The following TMEM41B variants were observed in gnomAD, a reference collection of about 807,000 sequenced individuals.
TMEM41B encodes transmembrane protein 41B, also known as protein stasimon.
In TMEM41B, 18 loss-of-function variants were observed where a neutral mutation model predicts 31.9. The observed-to-expected ratio is 0.56, with a 90% CI of 0.39 to 0.84. The LOEUF (loss-of-function observed/expected upper bound fraction) is 0.84, where lower values mean the gene tolerates loss of function less well. Among genes scored for constraint, TMEM41B ranks in the 40% least tolerant of loss-of-function variants. TMEM41B has a pLI of 0.00. For missense variants in TMEM41B, 322 were observed against 348.0 expected (o/e 0.93, Z 0.59); for synonymous variants, 144 against 124.3 (o/e 1.16, Z -1.05).
chr11:9,306,327 A>G (rs1853394988), intron 1 of TMEM41B, among the ~76,000 whole-genome samples: 1 of 151,936 alleles, frequency 6.6e-6, no homozygotes. Flanking sequence ...ACTAATTCCC[A>G]GTCTGAATTA....
intron 3 of TMEM41B, among the ~76,000 whole-genome samples, chr11:9,290,038 AACACACACAC>A (rs138140225): frequency 6.7e-6 from 1 of 149,798 alleles, no homozygotes; most frequent in Admixed American, 6.7e-5. Context: ...TCAAAAACAA[AACACACACAC>A]ACACACACAC....
At chr11:9,309,982 T>C (rs1213095950) in intron 1 of TMEM41B, among the ~76,000 whole-genome samples, 4 of 151,778 alleles carry the variant, frequency 2.6e-5, no homozygotes, top group Admixed American at 6.6e-5. Context: ...AAAATCAACT[T>C]TGAGACAGTG....
rs771747053 is a variant in TMEM41B, at chr11:9,281,453, G to A, written c.*1971C>T. ...AAATCCATCTGTTAACACTGTGATAGAAAAAATAATCAGTCCACATCATGT... is the reference window on the plus strand; with the variant it reads ...AAATCCATCTGTTAACACTGTGATAAAAAAAATAATCAGTCCACATCATGT... On this transcript the variant is annotated 3_prime_UTR_variant, in exon 7 of 7. Transcript: ENST00000528080. The A allele has an allele frequency of 1.3e-5, 2 of 152,122 alleles. No individual in the cohort carries two copies. Among genetic ancestry groups the A allele is most frequent in the East Asian group, 3.8e-4 (2 of 5,198 alleles). The allele number at this position is 152,122 out of a possible 1,614,324, so 9.4% of individuals were successfully genotyped here. A position where few individuals can be genotyped will look rare whatever the true frequency, so the allele number is the denominator to read the frequency against.
chr11:9,295,625 C>T (rs956134418), intron 2 of TMEM41B, among the ~76,000 whole-genome samples: 2 of 152,028 alleles, frequency 1.3e-5, no homozygotes. Flanking sequence ...ATCTCTGCCT[C>T]CCAGGTACAA....
intron 2 of TMEM41B, 96 bp downstream of exon 2, chr11:9,299,488 G>A (rs1853193516): frequency 2.4e-6 from 2 of 836,214 alleles, no homozygotes; most frequent in Non-Finnish European, 3.8e-6. Context: ...CTCCCAAAGT[G>A]TTGAGATTAC....
At chr11:9,289,825 C>T (rs955422702) in intron 3 of TMEM41B, among the ~76,000 whole-genome samples, 12 of 152,204 alleles carry the variant, frequency 7.9e-5, no homozygotes, top group African/African-American at 2.7e-4. Flanking sequence ...TTCTACATTA[C>T]AGGTAATTTC....
intron 3 of TMEM41B, among the ~76,000 whole-genome samples, chr11:9,293,775 G>A (rs72850512): frequency 4.6e-5 from 7 of 151,728 alleles, no homozygotes; most frequent in East Asian, 1.9e-4. Flanking sequence ...TAAAGATGGC[G>A]TTTCACTATG....
At chr11:9,294,434 G>A (rs1853036838) in intron 3 of TMEM41B, among the ~76,000 whole-genome samples, 1 of 151,066 alleles carries the variant, frequency 6.6e-6, no homozygotes. Flanking sequence ...GGTGGAGGTT[G>A]CAGTGACCAG....
intron 3 of TMEM41B, among the ~76,000 whole-genome samples, chr11:9,293,163 G>C (rs1473982344): frequency 6.6e-6 from 1 of 152,078 alleles, no homozygotes; most frequent in Non-Finnish European, 1.5e-5. Flanking sequence ...GGAGTGCAGA[G>C]GCTAAATGCT....
chr11:9,296,620 A>AAAAAAAAAAAAAAAAAAAAG (rs1554943612), intron 2 of TMEM41B, among the ~76,000 whole-genome samples: 1 of 128,138 alleles, frequency 7.8e-6, no homozygotes, highest in Non-Finnish European at 1.7e-5. Context: ...AAAAAAAAAA[A>AAAAAAAAAAAAAAAAAAAAG]AAAGAAAGAA....
intron 4 of TMEM41B, 100 bp downstream of exon 4, chr11:9,288,342 T>G: frequency 1.0e-5 from 8 of 768,648 alleles, no homozygotes; most frequent in East Asian, 3.0e-5. Context: ...CTTCAATTAA[T>G]GAGTTTATGC....
rs565113475 is a variant in TMEM41B at position 9,308,679 on chromosome 11, A to C, written c.121+5642T>G. Among the ~76,000 whole-genome samples the C allele has an allele frequency of 9.2e-5, 14 of 152,330 alleles. No individual in the cohort carries two copies. The South Asian group carries it at 2.5e-3, about 27-fold the overall frequency. On this transcript the variant is annotated intron_variant, in intron 1 of 6. Transcript: ENST00000528080. ...TCACAGAAATCCATGTCATTGGGAA[A>C]ACTGATTTAGCTCTATTCCTACTCT...
intron 1 of TMEM41B, among the ~76,000 whole-genome samples, chr11:9,299,908 T>C (rs567125678): frequency 1.3e-5 from 2 of 152,032 alleles, no homozygotes; most frequent in South Asian, 2.1e-4. Flanking sequence ...TCACTTGAGG[T>C]TGGGAGTTCG....
intron 2 of TMEM41B, among the ~76,000 whole-genome samples, chr11:9,298,345 G>A (rs939923118): frequency 6.6e-6 from 1 of 150,804 alleles, no homozygotes; most frequent in African/African-American, 2.4e-5. Context: ...TGTAATTCCA[G>A]CTACTCGTGA....
Position 9,314,491 on chromosome 11 carries a change from C to G in TMEM41B, c.-50G>C. 1 of 1,517,204 alleles carries G rather than the reference C, an allele frequency of 6.6e-7. No homozygotes were observed. Among genetic ancestry groups the G allele is most frequent in the Admixed American group, 2.1e-5 (1 of 47,506 alleles). 94.0% of individuals were successfully genotyped at this position (1,517,204 alleles called of 1,614,324 possible). A position where few individuals can be genotyped will look rare whatever the true frequency, so the allele number is the denominator to read the frequency against. ...GTGCGGTGCCGCGCCCCCTAAACAA[C>G]AAAACTCTGTTGCAGGCTCCTTACT... On this transcript the variant is annotated 5_prime_UTR_variant, in exon 1 of 7. Coordinates refer to ENST00000528080, the MANE Select transcript of TMEM41B (RefSeq NM_015012.4).
Position 9,295,267 on chromosome 11 carries a change from T to G in TMEM41B, c.360A>C (p.Thr120=). ...YVQVLVAYFA[T]YIFLQTFAIP... ...TTCAGTTAAAAGGATACAAAATATA[T>G]GTAGCAAAATAAGCTACAAGTACTT... Residue 120 remains threonine, a synonymous_variant, in exon 3 of 7, where the codon ACA becomes ACC. Transcript: ENST00000528080. 1.3e-6 allele frequency: 2 copies of G among 1,557,598 alleles called. No homozygotes were observed. Among genetic ancestry groups the G allele is most frequent in the Non-Finnish European group, 1.7e-6 (2 of 1,146,474 alleles).
chr11:9,299,321 T>TACACACACACACACAC (rs1303303364), intron 2 of TMEM41B, among the ~76,000 whole-genome samples: 39 of 10,514 alleles, frequency 3.7e-3, no homozygotes, highest in African/African-American at 5.5e-3. Context: ...TATATATACA[T>TACACACACACACACAC]ACATACACAC....
intron 1 of TMEM41B, 50 bp from the exon 2 acceptor site, chr11:9,299,751 C>G: frequency 7.8e-7 from 1 of 1,285,772 alleles, no homozygotes; most frequent in Non-Finnish European, 1.1e-6. Flanking sequence ...GGAAGACATG[C>G]TAGCAAATAA....
chr11:9,294,018 G>C (rs1464935000), intron 3 of TMEM41B, among the ~76,000 whole-genome samples: 1 of 150,786 alleles, frequency 6.6e-6, no homozygotes, highest in Non-Finnish European at 1.5e-5. Context: ...AGCAAAACCT[G>C]GCATCTACAA....
Sources: gnomAD v4.1 joint callset for allele counts (sites outside exome capture counted in the v4.1 genomes callset) on GRCh38, gnomAD v4.1.1 for gene constraint, MANE v1.5 for transcripts, NCBI Gene and HGNC (gene_info 2026-07-23, HGNC 2026-07-21) for gene names.